The following FOXP1 variants were observed in gnomAD, a reference collection of about 807,000 sequenced individuals.
FOXP1 encodes forkhead box protein P1.
FOXP1 carries 15 observed loss-of-function variants against 98.2 expected under a neutral mutation model. The ratio of observed to expected loss-of-function variants is 0.15; its 90% CI spans 0.10 to 0.24. The LOEUF (loss-of-function observed/expected upper bound fraction) is 0.24, where lower values mean the gene tolerates loss of function less well. FOXP1 is among the 10% of genes least tolerant of loss of function. The pLI, the probability that FOXP1 is intolerant of heterozygous loss-of-function variation, is 1.00. For missense variants in FOXP1, 633 were observed against 848.5 expected (o/e 0.75, Z 3.15); for synonymous variants, 371 against 314.5 (o/e 1.18, Z -1.90).
intron 4 of FOXP1, chr3:71,333,965 T>C (rs968690597): frequency 4.0e-5 from 6 of 151,208 alleles, no homozygotes; most frequent in East Asian, 3.9e-4. Context: ...GAGGGACAGA[T>C]AGCAAATAGA....
intron 6 of FOXP1, among the ~76,000 whole-genome samples, chr3:71,129,355 C>T (rs34925588): frequency 0.21 from 32,340 of 152,142 alleles, 3,507 homozygotes; most frequent in East Asian, 0.28. Flanking sequence ...CACACACATG[C>T]ACACACACAT....
intron 5 of FOXP1, among the ~76,000 whole-genome samples, chr3:71,223,364 C>T (rs530707653): frequency 6.6e-6 from 1 of 152,258 alleles, no homozygotes; most frequent in East Asian, 1.9e-4. Context: ...CCTATGAATG[C>T]TTTCAAACCC....
intron 3 of FOXP1, among the ~76,000 whole-genome samples, chr3:71,420,849 T>A (rs779393745): frequency 6.6e-6 from 1 of 152,044 alleles, no homozygotes; most frequent in Non-Finnish European, 1.5e-5. Context: ...TAGGACTACA[T>A]GTACCTGCCA....
chr3:71,043,611 C>T (rs917393533), intron 10 of FOXP1, among the ~76,000 whole-genome samples: 2 of 152,142 alleles, frequency 1.3e-5, no homozygotes, highest in Non-Finnish European at 2.9e-5. Context: ...CCACACAAGT[C>T]AACATCTATT....
At chr3:71,401,130 C>T (rs1165011180) in intron 3 of FOXP1, among the ~76,000 whole-genome samples, 1 of 152,184 alleles carries the variant, frequency 6.6e-6, no homozygotes, top group African/African-American at 2.4e-5. Flanking sequence ...AACTCACATG[C>T]TTCTCTAGTT....
intron 2 of FOXP1, among the ~76,000 whole-genome samples, chr3:71,519,423 C>G (rs1031485823): frequency 2.6e-5 from 4 of 152,188 alleles, no homozygotes; most frequent in African/African-American, 9.7e-5. Flanking sequence ...CCATGAAGAT[C>G]AGCCACCTCT....
chr3:71,204,615 G>GCAA lies in FOXP1; in HGVS notation c.-11-6226_-11-6224dup, dbSNP rs529376098. The stretch of plus-strand genomic sequence containing the variant: ...TGGCGAGATGCTGCTGGAGCAGGTG[G>GCAA]CAATGAGGAGATGAGGCACTGACTG... On this transcript the variant is annotated intron_variant, in intron 5 of 20. Transcript: ENST00000649528. Among the ~76,000 whole-genome samples the GCAA allele has an allele frequency of 6.8e-3, 1,036 of 152,244 alleles. 3 individuals carry two copies. Among genetic ancestry groups the GCAA allele is most frequent in the Non-Finnish European group, 0.011 (748 of 67,998 alleles).
rs143534128 is a variant in FOXP1 at position 71,432,256 on chromosome 3, C to T, written c.-168+61170G>A. ...CGGCTGACCTTGTCGTGGCCGGGAACGGCAGCCCAGCACAGACGCAGAATA... is the reference window on the plus strand; with the variant it reads ...CGGCTGACCTTGTCGTGGCCGGGAATGGCAGCCCAGCACAGACGCAGAATA... On this transcript the variant is annotated intron_variant, in intron 3 of 20. Transcript: ENST00000649528. Among the ~76,000 whole-genome samples the T allele has an allele frequency of 2.5e-3, 380 of 152,282 alleles. 4 individuals are homozygous for T. Among genetic ancestry groups the T allele is most frequent in the African/African-American group, 8.0e-3 (334 of 41,558 alleles).
At chr3:71,368,843 A>G (rs759727134) in intron 3 of FOXP1, among the ~76,000 whole-genome samples, 5 of 152,212 alleles carry the variant, frequency 3.3e-5, no homozygotes, top group African/African-American at 4.8e-5. Flanking sequence ...CTGAGACCCC[A>G]TAACAAGAAT....
chr3:71,519,126 T>C (rs972604258), intron 2 of FOXP1, among the ~76,000 whole-genome samples: 5 of 152,106 alleles, frequency 3.3e-5, no homozygotes, highest in Non-Finnish European at 5.9e-5. Context: ...CATGCCTCTA[T>C]TGCCAGCTAC....
chr3:71,407,037 G>C (rs906671601), intron 3 of FOXP1, among the ~76,000 whole-genome samples: 8 of 152,100 alleles, frequency 5.3e-5, no homozygotes, highest in African/African-American at 1.9e-4. Context: ...TAAGGAAAGA[G>C]ATAACCCGGG....
At chr3:71,333,233 G>A (rs2076452815) in intron 4 of FOXP1, 3 of 152,170 alleles carry the variant, frequency 2.0e-5, no homozygotes, top group Admixed American at 2.0e-4. Context: ...ATTTTAGAAA[G>A]CATGCCAGTA....
intron 5 of FOXP1, among the ~76,000 whole-genome samples, chr3:71,264,944 G>A (rs1360775044): frequency 6.6e-6 from 1 of 152,174 alleles, no homozygotes; most frequent in Admixed American, 6.5e-5. Context: ...ACAGAGGTCA[G>A]GCAGCTTGCA....
chr3:71,325,681 A>G (rs2075650042), intron 4 of FOXP1, among the ~76,000 whole-genome samples: 1 of 150,482 alleles, frequency 6.6e-6, no homozygotes. Flanking sequence ...TATTATTATT[A>G]TCACTATTTT....
At chr3:71,100,147 T>G (rs970054152) in intron 7 of FOXP1, among the ~76,000 whole-genome samples, 6 of 152,178 alleles carry the variant, frequency 3.9e-5, no homozygotes. Flanking sequence ...CCAGTGCCCA[T>G]GGCAGACATA....
At chr3:71,260,265 G>A (rs575321085) in intron 5 of FOXP1, among the ~76,000 whole-genome samples, 1 of 152,316 alleles carries the variant, frequency 6.6e-6, no homozygotes, top group East Asian at 1.9e-4. Flanking sequence ...TTACAGGCGT[G>A]AGCCACCGCG....
chr3:71,433,874 A>C (rs2084961743), intron 3 of FOXP1, among the ~76,000 whole-genome samples: 1 of 152,240 alleles, frequency 6.6e-6, no homozygotes, highest in African/African-American at 2.4e-5. Context: ...CCCTGATGGC[A>C]CAGGGAAGCT....
intron 4 of FOXP1, among the ~76,000 whole-genome samples, chr3:71,316,758 A>G (rs1265929377): frequency 6.6e-6 from 1 of 151,890 alleles, no homozygotes; most frequent in Non-Finnish European, 1.5e-5. Context: ...CCCAGGTTCA[A>G]GTGATTCTCC....
At chr3:71,481,789 G>C (rs1158810645) in intron 3 of FOXP1, among the ~76,000 whole-genome samples, 1 of 151,756 alleles carries the variant, frequency 6.6e-6, no homozygotes. Flanking sequence ...CTACTTCTTG[G>C]TGGGGCTTCC....
Sources: allele counts gnomAD v4.1 joint callset (sites outside exome capture counted in the v4.1 genomes callset), GRCh38; gene constraint gnomAD v4.1.1; transcripts MANE v1.5; gene names NCBI Gene and HGNC (gene_info 2026-07-23, HGNC 2026-07-21).